Variants in TPM2 observed in about 807,000 individuals in gnomAD.
TPM2 encodes tropomyosin 2.
A neutral mutation model predicts 41.0 loss-of-function variants in TPM2; 26 were observed. That is an observed-to-expected ratio of 0.63 (90% CI 0.46 to 0.88). TPM2 has a LOEUF of 0.88. Among genes scored for constraint, TPM2 ranks in the 40% least tolerant of loss-of-function variants. The probability of loss-of-function intolerance (pLI) is 0.00; values close to 1 mark genes in which losing one functional copy is unlikely to be tolerated. For missense variants in TPM2, 187 were observed against 355.2 expected (o/e 0.53, Z 3.81); for synonymous variants, 143 against 139.3 (o/e 1.03, Z -0.19).
rs35401252 is a variant in TPM2, at chr9:35,683,243, T to TGG, written c.773-4_773-3dup. On this transcript the variant is annotated splice_polypyrimidine_tract_variant and splice_region_variant and intron_variant, in intron 8 of 8. Coordinates refer to ENST00000645482, the MANE Select transcript of TPM2 (RefSeq NM_003289.4). ...TCATCTTCTGGGCATAGACTTCATC[T>TGG]GGGGGGGGTCCAGGGAGGGGACCAG... 0.039 allele frequency: 57,523 copies of TGG among 1,472,824 alleles called. 899 individuals carry two copies. The highest frequency in any genetic ancestry group is 0.16 in the African/African-American group (11,080 of 69,632). 91.2% of individuals were successfully genotyped at this position (1,472,824 alleles called of 1,614,324 possible). A position where few individuals can be genotyped will look rare whatever the true frequency, so the allele number is the denominator to read the frequency against.
intron 7 of TPM2, 40 bp downstream of exon 7, chr9:35,684,448 T>C: frequency 6.2e-7 from 1 of 1,613,698 alleles, no homozygotes; most frequent in Non-Finnish European, 8.5e-7. Flanking sequence ...AGGATTAGGG[T>C]GGCTTGAGGG....
downstream of TPM2, chr9:35,682,330 A>G: frequency 1.0e-6 from 1 of 963,360 alleles, no homozygotes; most frequent in Non-Finnish European, 1.6e-6. Flanking sequence ...ACTGACTAGG[A>G]TGAGGGGAAC....
intron 1 of TPM2, 131 bp downstream of exon 1, chr9:35,689,573 G>A (rs915131291): frequency 2.0e-6 from 3 of 1,529,742 alleles, no homozygotes; most frequent in African/African-American, 2.7e-5. Flanking sequence ...TGAGGGTACT[G>A]CGAAGGCCCA....
chr9:35,682,387 G>C, downstream of TPM2: 1 of 1,050,378 alleles, frequency 9.5e-7, no homozygotes, highest in Non-Finnish European at 1.4e-6. Context: ...TCATAGAGGT[G>C]GGGTGGGGAG....
In TPM2 at chr9:35,683,259, AG is replaced by A; in HGVS notation, c.773-19del. 1 of 1,486,376 alleles carries A rather than the reference AG, an allele frequency of 6.7e-7. No homozygotes were observed. The highest frequency in any genetic ancestry group is 9.2e-7 in the Non-Finnish European group (1 of 1,091,222). The allele number at this position is 1,486,376 out of a possible 1,614,324, so 92.1% of individuals were successfully genotyped here. A position where few individuals can be genotyped will look rare whatever the true frequency, so the allele number is the denominator to read the frequency against. ...GACTTCATCTGGGGGGGGTCCAGGG[AG>A]GGGACCAGGTGGGAGTGTGGGAAAG... On this transcript the variant is annotated intron_variant, in intron 8 of 8. Coordinates refer to ENST00000645482, the MANE Select transcript of TPM2 (RefSeq NM_003289.4).
In TPM2 at chr9:35,685,091, G is replaced by C. The variant is rs751544746; in HGVS notation, c.563+178C>G. 1.9e-6 allele frequency: 3 copies of C among 1,614,204 alleles called. No individual in the cohort carries two copies. The highest frequency in any genetic ancestry group is 2.5e-6 in the Non-Finnish European group (3 of 1,180,034). ...CCTCCTCTGAGGCCATCAGGGACTT[G>C]AGGGCCTGGTCCATGGTTCGAAGTT... On this transcript the variant is annotated intron_variant, in intron 5 of 8. Coordinates refer to ENST00000645482, the MANE Select transcript of TPM2 (RefSeq NM_003289.4). This position sits in a 1 kb window ranked among gnomAD's most constrained non-coding sequence, Gnocchi z 5.0.
Position 35,688,350 on chromosome 9 carries a change from C to G in TPM2, c.240+796G>C, listed in dbSNP as rs540899080. On this transcript the variant is annotated intron_variant, in intron 2 of 8. Coordinates refer to ENST00000645482, the MANE Select transcript of TPM2 (RefSeq NM_003289.4). ...AACCATAGGTTCATCTTAAAACAAT[C>G]CTGGGTGGAAGGAAGATGGGGAAAC... 2.0e-5 allele frequency among the ~76,000 whole-genome samples: 3 copies of G among 152,272 alleles called. No individual in the cohort carries two copies. The East Asian group carries it at 5.8e-4, about 29-fold the overall frequency.
chr9:35,684,158 A>T (rs1026174153), intron 8 of TPM2, 88 bp downstream of exon 8: 2 of 1,402,224 alleles, frequency 1.4e-6, no homozygotes, highest in Non-Finnish European at 2.0e-6. Context: ...ACCCTAGTTT[A>T]TTGGTGGCAA....
intron 2 of TPM2, among the ~76,000 whole-genome samples, chr9:35,687,932 G>C (rs1168523342): frequency 1.3e-5 from 2 of 152,128 alleles, no homozygotes; most frequent in African/African-American, 4.8e-5. Flanking sequence ...AAGCAAGAGA[G>C]AGGGAGAAAC....
At chr9:35,688,651 G>C (rs1825075083) in intron 2 of TPM2, among the ~76,000 whole-genome samples, 1 of 152,180 alleles carries the variant, frequency 6.6e-6, no homozygotes, top group African/African-American at 2.4e-5. Flanking sequence ...GCACAGCAGG[G>C]CTGCTGAAGC....
Position 35,689,758 on chromosome 9 carries a change from G to A in TPM2, c.60C>T (p.Asp20=). 2 of 1,613,838 alleles carry A rather than the reference G, an allele frequency of 1.2e-6. No individual in the cohort carries two copies. The highest frequency in any genetic ancestry group is 1.7e-6 in the Non-Finnish European group (2 of 1,179,768). ...TGTCGGCTTCGGCCTGCTCGGCGCG[G>A]TCGATGGCGTTCTCCTTGTCCAGCT... ...MLKLDKENAI[D]RAEQAEADKK... The change falls in exon 1 of 9, where the codon GAC becomes GAT. Residue 20 remains aspartate (D), a synonymous_variant. Transcript: ENST00000645482.
Position 35,685,265 on chromosome 9 carries a change from T to C in TPM2, c.563+4A>G. 1 of 1,614,154 alleles carries C rather than the reference T, an allele frequency of 6.2e-7. No homozygotes were observed. The highest frequency in any genetic ancestry group is 8.5e-7 in the Non-Finnish European group (1 of 1,180,018). On this transcript the variant is annotated splice_donor_region_variant and intron_variant, in intron 5 of 8. Coordinates refer to ENST00000645482, the MANE Select transcript of TPM2 (RefSeq NM_003289.4). The surrounding 1 kb of genome is among the most constrained non-coding windows in gnomAD (Gnocchi z 5.0). ...GCTCACTTGTCACCCCCGGGTATCT[T>C]TACCTCTCGGCCACCTCAGCCCTCT...
Position 35,683,106 on chromosome 9 carries a change from G to T in TPM2, c.*53C>A, listed in dbSNP as rs1824667511. Reference sequence around the variant, plus strand: ...CTGCCTGCTCCCCTCCCCATAGAGAGAATGGAAAGGAGAGGAGAGAAGAGA... The same window carrying T: ...CTGCCTGCTCCCCTCCCCATAGAGATAATGGAAAGGAGAGGAGAGAAGAGA... On this transcript the variant is annotated 3_prime_UTR_variant, in exon 9 of 9. Coordinates refer to ENST00000645482, the MANE Select transcript of TPM2 (RefSeq NM_003289.4). 4 of 1,551,872 alleles carry T rather than the reference G, an allele frequency of 2.6e-6. No homozygotes were observed. Among genetic ancestry groups the T allele is most frequent in the Non-Finnish European group, 3.5e-6 (4 of 1,147,028 alleles).
Position 35,683,077 on chromosome 9 carries a change from C to T in TPM2, c.*82G>A, listed in dbSNP as rs915802023. 9 of 1,551,460 alleles carry T rather than the reference C, an allele frequency of 5.8e-6. No individual in the cohort carries two copies. The highest frequency in any genetic ancestry group is 2.4e-5 in the South Asian group (2 of 84,010). ...CTGTGCAATGTTGGCAATTTCTGCT[C>T]CTCCTGCCTGCTCCCCTCCCCATAG... On this transcript the variant is annotated 3_prime_UTR_variant, in exon 9 of 9. Transcript: ENST00000645482.
chr9:35,685,108 T>C lies in TPM2; in HGVS notation c.563+161A>G, dbSNP rs748398797. On this transcript the variant is annotated intron_variant, in intron 5 of 8. Coordinates refer to ENST00000645482, the MANE Select transcript of TPM2 (RefSeq NM_003289.4). This position sits in a 1 kb window ranked among gnomAD's most constrained non-coding sequence, Gnocchi z 5.0. ...AGGGACTTGAGGGCCTGGTCCATGG[T>C]TCGAAGTTCCTCCTCCAGCTGTCTG... The C allele has an allele frequency of 6.2e-7, 1 of 1,614,188 alleles. No individual in the cohort carries two copies.
chr9:35,682,383 A>T (rs1268896376), downstream of TPM2: 1 of 1,028,460 alleles, frequency 9.7e-7, no homozygotes, highest in Non-Finnish European at 1.4e-6. Flanking sequence ...GGGGTCATAG[A>T]GGTGGGGTGG....
At chr9:35,689,051 AG>A in intron 2 of TPM2, 94 bp downstream of exon 2, 2 of 1,438,366 alleles carry the variant, frequency 1.4e-6, no homozygotes, top group Non-Finnish European at 2.0e-6. Flanking sequence ...TGGGGACATA[AG>A]GGGATAAGGT....
chr9:35,689,529 T>C (rs1337839353), intron 1 of TPM2, among the ~76,000 whole-genome samples, 175 bp downstream of exon 1: 2 of 152,016 alleles, frequency 1.3e-5, no homozygotes, highest in Non-Finnish European at 2.9e-5. Flanking sequence ...CCCCAGGCTA[T>C]TGTAGGGGAG....
chr9:35,685,382 C>T lies in TPM2; in HGVS notation c.493-43G>A, dbSNP rs181404400. ...GAGAGGGTAGATCAGTGGAGAAGGACTGGGCATGTTGCAGGCTGGGCAGCG... is the reference window on the plus strand; with the variant it reads ...GAGAGGGTAGATCAGTGGAGAAGGATTGGGCATGTTGCAGGCTGGGCAGCG... On this transcript the variant is annotated intron_variant, in intron 4 of 8. Transcript: ENST00000645482. This position sits in a 1 kb window ranked among gnomAD's most constrained non-coding sequence, Gnocchi z 5.0. 2.5e-5 allele frequency: 41 copies of T among 1,614,062 alleles called. No homozygotes were observed. The highest frequency in any genetic ancestry group is 1.0e-4 in the Admixed American group (6 of 60,004).
Sources: allele counts gnomAD v4.1 joint callset (sites outside exome capture counted in the v4.1 genomes callset), GRCh38; gene constraint gnomAD v4.1.1; non-coding constraint Gnocchi (gnomAD v3.1); transcripts MANE v1.5; gene names NCBI Gene and HGNC (gene_info 2026-07-23, HGNC 2026-07-21).